MYBPC3: variants seen among roughly 807,000 people sequenced by gnomAD.
The protein encoded by MYBPC3 is myosin binding protein C3.
Under a neutral mutation model 159.3 loss-of-function variants are expected in MYBPC3, and 108 were observed. The ratio of observed to expected loss-of-function variants is 0.68; its 90% CI spans 0.58 to 0.80. MYBPC3 has a LOEUF of 0.80. Ranked by LOEUF, MYBPC3 falls within the 30% of genes least tolerant of loss-of-function variation. The pLI is 0.00. For synonymous variants in MYBPC3, 730 were observed against 702.0 expected, an observed-to-expected ratio of 1.04 and a Z score of -0.63; for missense variants, 1,631 against 1,762.1, an observed-to-expected ratio of 0.93 and a Z score of 1.33.
Position 47,332,957 on chromosome 11 carries a change from A to C in MYBPC3, c.3347T>G (p.Leu1116Trp), listed in dbSNP as rs886038832. ...GCAGTGGGTGCGGCGGTAATGCTCC[A>C]AGACGGTGAACCACTCCTGGGGGCA... ...DKKTMEWFTV[L>W]EHYRRTHCVV... Residue 1116 changes from leucine to tryptophan, a missense_variant, in exon 31 of 35, where the codon TTG becomes TGG. Transcript: ENST00000545968. This position sits in a 1 kb window ranked among gnomAD's most constrained non-coding sequence, Gnocchi z 4.2. 1 of 1,610,440 alleles carries C rather than the reference A, an allele frequency of 6.2e-7. No homozygotes were observed. Among genetic ancestry groups the C allele is most frequent in the Non-Finnish European group, 8.5e-7 (1 of 1,178,660 alleles).
rs764002145 is a variant in MYBPC3 at position 47,331,683 on chromosome 11, A to G, written c.*60T>C. The G allele has an allele frequency of 1.9e-5, 14 of 725,318 alleles. No individual in the cohort carries two copies. The highest frequency in any genetic ancestry group is 2.9e-5 in the Non-Finnish European group (13 of 453,516). 44.9% of individuals were successfully genotyped at this position (725,318 alleles called of 1,614,324 possible). A position where few individuals can be genotyped will look rare whatever the true frequency, so the allele number is the denominator to read the frequency against. ...GGAGGGGTTTCCCCAACTTCCCTCCAGGCTCCTGGCACGGGGCTGGCATCC... is the reference window on the plus strand; with the variant it reads ...GGAGGGGTTTCCCCAACTTCCCTCCGGGCTCCTGGCACGGGGCTGGCATCC... On this transcript the variant is annotated 3_prime_UTR_variant, in exon 35 of 35. Coordinates refer to ENST00000545968, the MANE Select transcript of MYBPC3 (RefSeq NM_000256.3).
chr11:47,333,500 A>C, intron 29 of MYBPC3, 57 bp downstream of exon 29: 1 of 1,591,546 alleles, frequency 6.3e-7, no homozygotes, highest in South Asian at 1.1e-5. Flanking sequence ...CCTTGGCCCC[A>C]GCAGCCCAGC....
chr11:47,335,087 C>T lies in MYBPC3; in HGVS notation c.2860G>A (p.Ala954Thr), dbSNP rs373744177. 14 of 1,600,044 alleles carry T rather than the reference C, an allele frequency of 8.7e-6. No individual in the cohort carries two copies. In the African/African-American group the frequency reaches 1.5e-4, roughly 17 times the overall value. The change falls in exon 27 of 35, where the codon GCC (alanine) becomes ACC (threonine). Residue 954 changes from alanine (A) to threonine (T), a missense_variant. By Grantham distance (58) the Ala-to-Thr change is moderately conservative (BLOSUM62 0). Coordinates refer to ENST00000545968, the MANE Select transcript of MYBPC3 (RefSeq NM_000256.3). ...VRAHNMAGPGAPVTTTEPVTV... is the reference protein window; with the variant it reads ...VRAHNMAGPGTPVTTTEPVTV... ...ACCGGCTCCGTGGTGGTAACAGGGG[C>T]TCCAGGCCCTGCCATATTGTGTGCC... is the stretch of plus-strand genomic sequence containing the variant.
At chr11:47,334,684 C>T (rs946324605) in intron 27 of MYBPC3, among the ~76,000 whole-genome samples, 1 of 152,146 alleles carries the variant, frequency 6.6e-6, no homozygotes, top group Admixed American at 6.5e-5. Context: ...CCTCAGCCTC[C>T]CAAGTAGTTG....
intron 14 of MYBPC3, 33 bp downstream of exon 14, chr11:47,343,227 C>T (rs1483125995): frequency 1.3e-6 from 2 of 1,575,652 alleles, no homozygotes; most frequent in African/African-American, 2.7e-5. Flanking sequence ...ATCCCTGTGC[C>T]CCCCACCCCA....
At position 47,338,370 on chromosome 11, in the gene MYBPC3, G is replaced by C. The variant is rs1486903108; in HGVS notation, c.2308+150C>G. ...CTGCCTCCATCTCCCCCAGAGCGGG[G>C]CTCCTTTTGGGCAGAAAAACCTGTC... On this transcript the variant is annotated intron_variant, in intron 23 of 34. Transcript: ENST00000545968. The surrounding 1 kb of genome is among the most constrained non-coding windows in gnomAD (Gnocchi z 4.7). 5.5e-6 allele frequency: 6 copies of C among 1,094,304 alleles called. No individual in the cohort carries two copies. Among genetic ancestry groups the C allele is most frequent in the Non-Finnish European group, 7.8e-6 (6 of 773,612 alleles). 67.8% of individuals were successfully genotyped at this position (1,094,304 alleles called of 1,614,324 possible). A position where few individuals can be genotyped will look rare whatever the true frequency, so the allele number is the denominator to read the frequency against.
At chr11:47,333,842 C>G (rs927040063) in intron 28 of MYBPC3, 80 bp downstream of exon 28, 18 of 1,549,840 alleles carry the variant, frequency 1.2e-5, no homozygotes, top group Non-Finnish European at 1.4e-5. Context: ...CAGGCCAGCC[C>G]TGAGACATCA....
rs376490106 is a variant in MYBPC3 at position 47,339,278 on chromosome 11, G to A, written c.2148+46C>T. 15 of 1,596,906 alleles carry A rather than the reference G, an allele frequency of 9.4e-6. No homozygotes were observed. In the African/African-American group the frequency reaches 1.1e-4, roughly 11 times the overall value. On this transcript the variant is annotated intron_variant, in intron 22 of 34. Coordinates refer to ENST00000545968, the MANE Select transcript of MYBPC3 (RefSeq NM_000256.3). ...GGGCTCGGCACCACGTAGGTAGAAA[G>A]TGATGAAAGACAAACGAGCCTCCTC...
chr11:47,339,983 A>G (rs1390308995), intron 20 of MYBPC3, among the ~76,000 whole-genome samples, 193 bp from the exon 21 acceptor site: 2 of 152,150 alleles, frequency 1.3e-5, no homozygotes, highest in Admixed American at 6.5e-5. Context: ...TATTAATCCA[A>G]CCAAGATCTG....
At chr11:47,348,928 T>TATATATATATATATATATATATATATATC in intron 5 of MYBPC3, among the ~76,000 whole-genome samples, 1 of 9,920 alleles carries the variant, frequency 1.0e-4, no homozygotes, top group Non-Finnish European at 2.2e-4. Flanking sequence ...ATATATATAT[T>TATATATATATATATATATATATATATATC]TAAAGGAGGC....
intron 9 of MYBPC3, 193 bp downstream of exon 9, chr11:47,347,233 G>A (rs1419830206): frequency 1.0e-6 from 1 of 985,386 alleles, no homozygotes; most frequent in Non-Finnish European, 1.2e-6. Flanking sequence ...CTGTGAGGAT[G>A]ACTGTTGACG....
chr11:47,334,703 C>T (rs1471037096), intron 27 of MYBPC3, among the ~76,000 whole-genome samples: 1 of 152,142 alleles, frequency 6.6e-6, no homozygotes, highest in South Asian at 2.1e-4. Context: ...TGAGGGACTA[C>T]AGGCACGCGC....
rs1394589877 is a variant in MYBPC3, at chr11:47,342,710, TCTC to T, written c.1489_1491del (p.Glu497del). Reference sequence around the variant, plus strand: ...TCCTTCTTGAACCGGTATTTGAAGGTCTCCTCCCGGGTCAGCTCCACCCCGTCC... The same window carrying T: ...TCCTTCTTGAACCGGTATTTGAAGGTCTCCCGGGTCAGCTCCACCCCGTCC... On this transcript the variant is annotated inframe_deletion, in exon 17 of 35. Transcript: ENST00000545968. The T allele has an allele frequency of 6.2e-7, 1 of 1,613,972 alleles. No individual in the cohort carries two copies. The highest frequency in any genetic ancestry group is 1.1e-5 in the South Asian group (1 of 91,086).
chr11:47,335,188 A>G lies in MYBPC3; in HGVS notation c.2759T>C (p.Leu920Pro). The G allele has an allele frequency of 6.2e-7, 1 of 1,606,030 alleles. No homozygotes were observed. The highest frequency in any genetic ancestry group is 1.1e-5 in the South Asian group (1 of 89,884). ...CGATGTGTGCTCTGTCAGCCCCTGC[A>G]GGGCAGCCACCCACTCTGAGCCTGG... ...PEGCSEWVAA[L>P]QGLTEHTSIL... is the part of the protein sequence containing the mutation. The change falls in exon 27 of 35, where the codon CTG becomes CCG. Residue 920 changes from leucine to proline, a missense_variant. By Grantham distance (98) the Leu-to-Pro change is moderately conservative. Coordinates refer to ENST00000545968, the MANE Select transcript of MYBPC3 (RefSeq NM_000256.3).
At chr11:47,341,281 C>A in intron 18 of MYBPC3, 37 bp from the exon 19 acceptor site, 1 of 1,505,802 alleles carries the variant, frequency 6.6e-7, no homozygotes, top group Non-Finnish European at 9.0e-7. Context: ...CCCCACTGGG[C>A]CACACACCCC....
intron 5 of MYBPC3, among the ~76,000 whole-genome samples, chr11:47,349,439 A>T (rs1003929273): frequency 2.0e-5 from 3 of 151,602 alleles, no homozygotes; most frequent in Non-Finnish European, 2.9e-5. Context: ...TGGTGCCCCC[A>T]TGCTTCACAG....
At chr11:47,344,275 T>C (rs1366070275) in intron 12 of MYBPC3, among the ~76,000 whole-genome samples, 1 of 152,022 alleles carries the variant, frequency 6.6e-6, no homozygotes, top group African/African-American at 2.4e-5. Context: ...AACCCCTGAG[T>C]TGTGTACTCT....
At chr11:47,341,459 G>A (rs1286910708) in intron 18 of MYBPC3, among the ~76,000 whole-genome samples, 1 of 152,186 alleles carries the variant, frequency 6.6e-6, no homozygotes, top group African/African-American at 2.4e-5. Flanking sequence ...CTACATCAAA[G>A]CATCTCCTTG....
At chr11:47,344,719 T>C (rs188577228) in intron 12 of MYBPC3, among the ~76,000 whole-genome samples, 1 of 152,224 alleles carries the variant, frequency 6.6e-6, no homozygotes, top group African/African-American at 2.4e-5. Flanking sequence ...GTAATAGTCC[T>C]TCCATCATAG....
Sources: allele counts gnomAD v4.1 joint callset (sites outside exome capture counted in the v4.1 genomes callset), GRCh38; gene constraint gnomAD v4.1.1; non-coding constraint Gnocchi (gnomAD v3.1); transcripts MANE v1.5; gene names NCBI Gene and HGNC (gene_info 2026-07-23, HGNC 2026-07-21).